NRXN1: variants seen among roughly 807,000 people sequenced by gnomAD.
The protein encoded by NRXN1 is neurexin-1.
A neutral mutation model predicts 150.9 loss-of-function variants in NRXN1; 39 were observed. The observed-to-expected ratio is 0.26, with a 90% CI of 0.20 to 0.34. The LOEUF (loss-of-function observed/expected upper bound fraction) is 0.34. NRXN1 is among the 10% of genes least tolerant of loss of function. The probability of loss-of-function intolerance (pLI) is 1.00; values close to 1 mark genes in which losing one functional copy is unlikely to be tolerated. For missense variants in NRXN1, 1,815 were observed against 1,949.9 expected (o/e 0.93, Z 1.30); for synonymous variants, 924 against 757.0 (o/e 1.22, Z -3.62).
chr2:50,561,651 T>C (rs1168810783), intron 8 of NRXN1, among the ~76,000 whole-genome samples: 4 of 152,174 alleles, frequency 2.6e-5, no homozygotes, highest in African/African-American at 9.6e-5. Flanking sequence ...GCAGCCCACT[T>C]TTTAGCAACG....
chr2:51,003,163 G>A (rs1160647758), intron 2 of NRXN1, among the ~76,000 whole-genome samples: 2 of 151,840 alleles, frequency 1.3e-5, no homozygotes, highest in Non-Finnish European at 2.9e-5. Flanking sequence ...AAACAAATAA[G>A]CATAGAAAGT....
chr2:50,076,369 T>C (rs1697105274), intron 19 of NRXN1, among the ~76,000 whole-genome samples: 1 of 133,740 alleles, frequency 7.5e-6, no homozygotes. Flanking sequence ...CTATTTTGAC[T>C]AATAATATAG....
chr2:50,867,866 C>T (rs1157390702), intron 5 of NRXN1, among the ~76,000 whole-genome samples: 1 of 151,638 alleles, frequency 6.6e-6, no homozygotes, highest in East Asian at 2.0e-4. Context: ...ACAGGGGATA[C>T]ATTCATATCC....
chr2:49,948,763 T>C (rs1381178869), intron 21 of NRXN1, among the ~76,000 whole-genome samples: 1 of 152,026 alleles, frequency 6.6e-6, no homozygotes, highest in Admixed American at 6.6e-5. Flanking sequence ...GTCACATTAA[T>C]CAATTCTATT....
intron 15 of NRXN1, among the ~76,000 whole-genome samples, chr2:50,490,438 T>C (rs1392677046): frequency 6.6e-6 from 1 of 152,158 alleles, no homozygotes. Context: ...AATTGTGTAA[T>C]TGGACTAAAG....
At chr2:50,870,669 A>G (rs1256651533) in intron 5 of NRXN1, among the ~76,000 whole-genome samples, 2 of 151,894 alleles carry the variant, frequency 1.3e-5, no homozygotes, top group South Asian at 2.1e-4. Context: ...TTTGCCTCCA[A>G]TGATCTAAAT....
intron 10 of NRXN1, among the ~76,000 whole-genome samples, chr2:50,536,545 C>G (rs754292108): frequency 6.6e-6 from 1 of 152,144 alleles, no homozygotes; most frequent in Non-Finnish European, 1.5e-5. Context: ...GTACACCACG[C>G]ATAGTTAACA....
At chr2:50,310,450 T>C (rs139688568) in intron 17 of NRXN1, among the ~76,000 whole-genome samples, 2 of 152,212 alleles carry the variant, frequency 1.3e-5, no homozygotes, top group African/African-American at 4.8e-5. Flanking sequence ...CTCAATTTGA[T>C]TACTGCATCC....
intron 21 of NRXN1, among the ~76,000 whole-genome samples, chr2:50,049,299 A>G (rs1204516907): frequency 6.6e-6 from 1 of 152,178 alleles, no homozygotes; most frequent in African/African-American, 2.4e-5. Flanking sequence ...GTAAATAATC[A>G]TGAGAAGACC....
At chr2:50,832,266 G>A (rs189823831) in intron 5 of NRXN1, among the ~76,000 whole-genome samples, 41 of 152,270 alleles carry the variant, frequency 2.7e-4, no homozygotes, top group Admixed American at 5.2e-4. Context: ...AGAGTTGTAA[G>A]TTCTAAAGTG....
At chr2:50,835,966 C>T (rs1672047933) in intron 5 of NRXN1, among the ~76,000 whole-genome samples, 1 of 152,156 alleles carries the variant, frequency 6.6e-6, no homozygotes, top group Non-Finnish European at 1.5e-5. Context: ...AGGATAAAGA[C>T]ACCTTTTAAT....
intron 5 of NRXN1, among the ~76,000 whole-genome samples, chr2:50,701,288 A>C (rs1267668749): frequency 1.3e-5 from 2 of 152,154 alleles, no homozygotes; most frequent in Non-Finnish European, 2.9e-5. Context: ...GTCTAAAACA[A>C]CTATTGTCAT....
At chr2:50,844,685 C>T (rs376279690) in intron 5 of NRXN1, among the ~76,000 whole-genome samples, 11 of 152,266 alleles carry the variant, frequency 7.2e-5, no homozygotes, top group African/African-American at 1.4e-4. Flanking sequence ...TGGTTTCAGA[C>T]GCCACCCAGG....
intron 2 of NRXN1, among the ~76,000 whole-genome samples, chr2:50,980,388 A>T (rs1696598030): frequency 6.6e-6 from 1 of 152,184 alleles, no homozygotes; most frequent in South Asian, 2.1e-4. Context: ...CCTAAAAAAC[A>T]GTTTGCTAAA....
intron 18 of NRXN1, among the ~76,000 whole-genome samples, chr2:50,135,665 T>A (rs960668769): frequency 2.6e-5 from 4 of 151,920 alleles, no homozygotes; most frequent in African/African-American, 9.7e-5. Flanking sequence ...CACTCCAGCC[T>A]GGGCGACAGA....
intron 5 of NRXN1, among the ~76,000 whole-genome samples, chr2:50,830,834 T>C (rs1671306868): frequency 6.6e-6 from 1 of 151,978 alleles, no homozygotes; most frequent in Non-Finnish European, 1.5e-5. Flanking sequence ...CTCCATGGCC[T>C]AGACTTTTCA....
chr2:50,405,693 G>A lies in NRXN1; in HGVS notation c.3364+59749C>T, dbSNP rs74780762. ...GTACAGTGGGAAGCAAACAAAATTG[G>A]GAATCAGAAGACTTATTTTGCTCCC... On this transcript the variant is annotated intron_variant, in intron 17 of 22. Transcript: ENST00000401669. Among the ~76,000 whole-genome samples, 1,126 of 152,026 alleles carry A rather than the reference G, an allele frequency of 7.4e-3. 38 individuals carry two copies. The East Asian group carries it at 0.11, about 15-fold the overall frequency.
At chr2:51,001,548 G>C (rs189702608) in intron 2 of NRXN1, among the ~76,000 whole-genome samples, 2 of 151,990 alleles carry the variant, frequency 1.3e-5, no homozygotes, top group Admixed American at 1.3e-4. Context: ...CTCCCCTAAA[G>C]GGAGATCAAT....
At chr2:50,676,429 G>T (rs1452145546) in intron 5 of NRXN1, among the ~76,000 whole-genome samples, 1 of 152,142 alleles carries the variant, frequency 6.6e-6, no homozygotes, top group Non-Finnish European at 1.5e-5. Flanking sequence ...AAGAGGATAG[G>T]TTTTAGCGTA....
Sources: allele counts gnomAD v4.1 joint callset (sites outside exome capture counted in the v4.1 genomes callset), GRCh38; gene constraint gnomAD v4.1.1; transcripts MANE v1.5; gene names NCBI Gene and HGNC (gene_info 2026-07-23, HGNC 2026-07-21).